The following TRIM2 variants were observed in gnomAD, a reference collection of about 807,000 sequenced individuals.
The protein encoded by TRIM2 is tripartite motif containing 2.
TRIM2 carries 20 observed loss-of-function variants against 75.2 expected under a neutral mutation model. That is an observed-to-expected ratio of 0.27 (90% confidence interval 0.19 to 0.39). The LOEUF is 0.39. Among genes scored for constraint, TRIM2 ranks in the 10% least tolerant of loss-of-function variants. The pLI is 1.00. For synonymous variants in TRIM2, 373 were observed against 388.3 expected (o/e 0.96, Z 0.46); for missense variants, 660 against 990.8 (o/e 0.67, Z 4.48).
At chr4:153,285,911 A>G (rs1423832695) in intron 3 of TRIM2, among the ~76,000 whole-genome samples, 1 of 152,134 alleles carries the variant, frequency 6.6e-6, no homozygotes, top group Non-Finnish European at 1.5e-5. Flanking sequence ...CCTTCAGTAC[A>G]CCGTTGACTA....
chr4:153,203,618 G>A (rs959005159), upstream of TRIM2, among the ~76,000 whole-genome samples: 4 of 150,338 alleles, frequency 2.7e-5, no homozygotes, highest in African/African-American at 4.9e-5. Context: ...TAGACCAGGC[G>A]CAGTGGCACA....
chr4:153,302,382 G>A (rs541200623), intron 6 of TRIM2, among the ~76,000 whole-genome samples: 2 of 152,218 alleles, frequency 1.3e-5, no homozygotes, highest in Non-Finnish European at 2.9e-5. Flanking sequence ...ATATAGAGAT[G>A]AAGGAAATGA....
chr4:153,257,838 C>T, intron 1 of TRIM2: 1 of 336,154 alleles, frequency 3.0e-6, no homozygotes, highest in Non-Finnish European at 5.9e-6. Flanking sequence ...TCTCTCGGTT[C>T]TTTTTTCTCC....
At chr4:153,304,590 A>T (rs982749974) in intron 6 of TRIM2, among the ~76,000 whole-genome samples, 1 of 152,166 alleles carries the variant, frequency 6.6e-6, no homozygotes, top group Non-Finnish European at 1.5e-5. Context: ...AAATGAAATG[A>T]GATACAAGCA....
chr4:153,337,026 A>C lies in TRIM2; in HGVS notation c.*2060A>C. Reference sequence around the variant, plus strand: ...GTACTCTTTTAGGCACTGGAAATACAGTGATGGACAAAACAGGTAAAAAAT... The same window carrying C: ...GTACTCTTTTAGGCACTGGAAATACCGTGATGGACAAAACAGGTAAAAAAT... On this transcript the variant is annotated 3_prime_UTR_variant, in exon 12 of 12. Coordinates refer to ENST00000338700, the MANE Select transcript of TRIM2 (RefSeq NM_015271.5). The C allele has an allele frequency of 2.0e-6, 2 of 982,576 alleles. No individual in the cohort carries two copies. 60.9% of individuals were successfully genotyped at this position (982,576 alleles called of 1,614,324 possible). A position where few individuals can be genotyped will look rare whatever the true frequency, so the allele number is the denominator to read the frequency against.
chr4:153,313,908 A>G (rs1257458784), intron 6 of TRIM2, among the ~76,000 whole-genome samples: 1 of 152,092 alleles, frequency 6.6e-6, no homozygotes. Context: ...AAGTGCTGGG[A>G]TTACAGGCAT....
intron 1 of TRIM2, among the ~76,000 whole-genome samples, chr4:153,212,611 G>C (rs1039169092): frequency 2.6e-5 from 4 of 152,124 alleles, no homozygotes; most frequent in African/African-American, 9.7e-5. Flanking sequence ...AGCTGTGATT[G>C]CACCACTGCA....
intron 1 of TRIM2, among the ~76,000 whole-genome samples, chr4:153,187,299 G>A (rs183091459): frequency 0.019 from 2,937 of 152,226 alleles, 37 homozygotes; most frequent in Non-Finnish European, 0.03. Context: ...TAAGTCCACC[G>A]TCAAGGACTT....
At chr4:153,317,571 C>A (rs1408220526) in intron 8 of TRIM2, among the ~76,000 whole-genome samples, 10 of 151,604 alleles carry the variant, frequency 6.6e-5, no homozygotes, top group African/African-American at 2.4e-4. Context: ...ATGGTGTGAA[C>A]CCCGGGAGGC....
intron 3 of TRIM2, among the ~76,000 whole-genome samples, chr4:153,279,493 T>C (rs1360710139): frequency 6.6e-6 from 1 of 151,968 alleles, no homozygotes; most frequent in Non-Finnish European, 1.5e-5. Flanking sequence ...TAATAGAAAA[T>C]TGGACTATTT....
At chr4:153,291,481 AGTGATTTG>A (rs1039841059) in intron 3 of TRIM2, among the ~76,000 whole-genome samples, 19 of 152,326 alleles carry the variant, frequency 1.2e-4, no homozygotes, top group African/African-American at 4.1e-4. Context: ...TATAAATAAA[AGTGATTTG>A]GTGACTGCCT....
chr4:153,294,169 T>A, intron 4 of TRIM2, 136 bp from the exon 5 acceptor site: 1 of 867,848 alleles, frequency 1.2e-6, no homozygotes, highest in Non-Finnish European at 1.8e-6. Context: ...TCATATCTTA[T>A]TCTGTTCTCT....
At chr4:153,193,127 CTT>C (rs141233060) in intron 1 of TRIM2, among the ~76,000 whole-genome samples, 4 of 106,696 alleles carry the variant, frequency 3.7e-5, no homozygotes, top group Non-Finnish European at 5.4e-5. Context: ...AGTGAATAAT[CTT>C]TTTTTTTTTT....
At chr4:153,276,362 C>T (rs1340821456) in intron 3 of TRIM2, 3 of 560,492 alleles carry the variant, frequency 5.4e-6, no homozygotes, top group Non-Finnish European at 9.5e-6. Flanking sequence ...GTTGGTATCC[C>T]CAGGACAGCA....
At chr4:153,262,149 G>A (rs1753737874) in intron 1 of TRIM2, among the ~76,000 whole-genome samples, 1 of 152,152 alleles carries the variant, frequency 6.6e-6, no homozygotes, top group Admixed American at 6.5e-5. Flanking sequence ...TTCTTGCCCA[G>A]TGCACAGATA....
chr4:153,316,373 G>A (rs1363014524), intron 8 of TRIM2, among the ~76,000 whole-genome samples: 1 of 152,144 alleles, frequency 6.6e-6, no homozygotes, highest in East Asian at 1.9e-4. Flanking sequence ...CACTTAGGAA[G>A]TACTTTTTAC....
rs375381354 is a variant in TRIM2 at position 153,256,213 on chromosome 4, C to T, written c.31-14122C>T. On this transcript the variant is annotated intron_variant, in intron 1 of 11. Coordinates refer to ENST00000338700, the MANE Select transcript of TRIM2 (RefSeq NM_015271.5). ...GAACTGTGTATCACCTAAAATGGCA[C>T]GCCAAAGTTGGCATGTATGTGCATT... Among the ~76,000 whole-genome samples, 44 of 151,210 alleles carry T rather than the reference C, an allele frequency of 2.9e-4. No homozygotes were observed. In the East Asian group the frequency reaches 3.5e-3, roughly 12 times the overall value.
At chr4:153,241,780 A>G (rs28664066) in intron 1 of TRIM2, among the ~76,000 whole-genome samples, 21,536 of 152,220 alleles carry the variant, frequency 0.14, 2,284 homozygotes, top group African/African-American at 0.29. Flanking sequence ...ACGGGTGCAC[A>G]GATTCTTGAA....
chr4:153,265,421 G>A (rs556448812), intron 1 of TRIM2, among the ~76,000 whole-genome samples: 1 of 151,360 alleles, frequency 6.6e-6, no homozygotes, highest in South Asian at 2.1e-4. Context: ...TTGGCTCACT[G>A]CAAGCTCTCC....
Sources: gnomAD v4.1 joint callset for allele counts (sites outside exome capture counted in the v4.1 genomes callset) on GRCh38, gnomAD v4.1.1 for gene constraint, MANE v1.5 for transcripts, NCBI Gene and HGNC (gene_info 2026-07-23, HGNC 2026-07-21) for gene names.